The following HECW1 variants were observed in gnomAD, a reference collection of about 807,000 sequenced individuals.
The protein encoded by HECW1 is E3 ubiquitin-protein ligase HECW1.
Under a neutral mutation model 182.3 loss-of-function variants are expected in HECW1, and 61 were observed. That is an observed-to-expected ratio of 0.33 (90% confidence interval 0.27 to 0.41). The LOEUF is 0.41. HECW1 is among the 10% of genes least tolerant of loss of function. The pLI, the probability that HECW1 is intolerant of heterozygous loss-of-function variation, is 1.00. For synonymous variants in HECW1, 859 were observed against 832.6 expected (o/e 1.03, Z -0.55); for missense variants, 1,739 against 2,108.9 (o/e 0.82, Z 3.44).
rs7782895 is a variant in HECW1, at chr7:43,426,239, A to G, written c.802-11764A>G. On this transcript the variant is annotated intron_variant, in intron 8 of 29. Transcript: ENST00000395891. ...TATAGATACACTTTCAAATATTTGCATCCCTTCTAGTACTGAAAACATACA... is the reference window on the plus strand; with the variant it reads ...TATAGATACACTTTCAAATATTTGCGTCCCTTCTAGTACTGAAAACATACA... Among the ~76,000 whole-genome samples the G allele has an allele frequency of 3.9e-3, 595 of 152,338 alleles. 4 individuals carry two copies. The highest frequency in any genetic ancestry group is 0.014 in the African/African-American group (571 of 41,580).
chr7:43,520,722 C>A (rs553431852), intron 24 of HECW1, among the ~76,000 whole-genome samples: 1 of 152,022 alleles, frequency 6.6e-6, no homozygotes, highest in Non-Finnish European at 1.5e-5. Context: ...CTAGAACAGA[C>A]GAAAGTGAAG....
chr7:43,148,603 G>A (rs1788962780), intron 2 of HECW1: 1 of 151,732 alleles, frequency 6.6e-6, no homozygotes, highest in South Asian at 2.1e-4. Flanking sequence ...TTAAATTTGG[G>A]TCTGAGTCCA....
At chr7:43,268,795 A>AACAAAC (rs1456506306) in intron 3 of HECW1, among the ~76,000 whole-genome samples, 1 of 152,086 alleles carries the variant, frequency 6.6e-6, no homozygotes, top group Non-Finnish European at 1.5e-5. Context: ...TTTTTTTAAC[A>AACAAAC]AGATCTTGCT....
chr7:43,176,767 A>C (rs985109591), intron 2 of HECW1, among the ~76,000 whole-genome samples: 3 of 152,230 alleles, frequency 2.0e-5, no homozygotes, highest in African/African-American at 7.2e-5. Flanking sequence ...CTAAGTTTCC[A>C]ACACATTGAC....
rs2152845138 is a variant in HECW1 at position 43,407,730 on chromosome 7, A to T, written c.800A>T (p.Glu267Val). ...ACCGTGAACCCCATCTGGCAGGCCG[A>T]GGTGAGTGCTGTGGGCCCTGAAAAA... ...GNTVNPIWQAEQFSFVSLPTD... is the reference protein window; with the variant it reads ...GNTVNPIWQAVQFSFVSLPTD... Residue 267 changes from glutamate to valine, a missense_variant and splice_region_variant, in exon 8 of 30, where the codon GAG (glutamate) becomes GTG (valine). By Grantham distance (121) the Glu-to-Val change is moderately radical. Coordinates refer to ENST00000395891, the MANE Select transcript of HECW1 (RefSeq NM_015052.5). The T allele has an allele frequency of 6.2e-7, 1 of 1,609,338 alleles. No individual in the cohort carries two copies. The highest frequency in any genetic ancestry group is 2.2e-5 in the East Asian group (1 of 44,744).
At chr7:43,357,487 T>G (rs1422617556) in intron 5 of HECW1, among the ~76,000 whole-genome samples, 1 of 152,184 alleles carries the variant, frequency 6.6e-6, no homozygotes, top group Non-Finnish European at 1.5e-5. Context: ...TTGCATGTTT[T>G]CATTCGTATG....
intron 29 of HECW1, among the ~76,000 whole-genome samples, chr7:43,561,210 C>A (rs538489087): frequency 9.9e-5 from 15 of 152,188 alleles, no homozygotes; most frequent in Admixed American, 8.5e-4. Flanking sequence ...GAACCCCGGG[C>A]GCCAGGACAC....
intron 6 of HECW1, among the ~76,000 whole-genome samples, chr7:43,361,633 A>C (rs1252305690): frequency 6.6e-6 from 1 of 152,060 alleles, no homozygotes; most frequent in Non-Finnish European, 1.5e-5. Flanking sequence ...CCTAAGTTAC[A>C]ATCCAGTTTT....
At chr7:43,497,733 C>T (rs900206972) in intron 19 of HECW1, among the ~76,000 whole-genome samples, 4 of 152,034 alleles carry the variant, frequency 2.6e-5, no homozygotes, top group Non-Finnish European at 5.9e-5. Flanking sequence ...GAGCTGATGA[C>T]AGCTTGAACA....
At chr7:43,174,197 T>C (rs1304658836) in intron 2 of HECW1, among the ~76,000 whole-genome samples, 1 of 152,106 alleles carries the variant, frequency 6.6e-6, no homozygotes, top group Non-Finnish European at 1.5e-5. Context: ...GTCCTAAATA[T>C]CCCTGCTACA....
At chr7:43,401,574 T>TTTTG (rs201315890) in intron 7 of HECW1, among the ~76,000 whole-genome samples, 7 of 144,516 alleles carry the variant, frequency 4.8e-5, no homozygotes, top group East Asian at 4.4e-4. Context: ...AAGGTTTTTT[T>TTTTG]TTTTTTTTTT....
chr7:43,489,910 G>A (rs957240984), intron 17 of HECW1, among the ~76,000 whole-genome samples: 4 of 152,190 alleles, frequency 2.6e-5, no homozygotes, highest in African/African-American at 9.7e-5. Context: ...AGACTTTGTA[G>A]CACTGGTCCT....
At chr7:43,183,269 C>T (rs537423904) in intron 2 of HECW1, among the ~76,000 whole-genome samples, 25 of 152,298 alleles carry the variant, frequency 1.6e-4, no homozygotes, top group Non-Finnish European at 3.2e-4. Flanking sequence ...TCCACTTCTA[C>T]CACAAGTCTC....
intron 8 of HECW1, among the ~76,000 whole-genome samples, chr7:43,418,914 G>A (rs1335471869): frequency 1.3e-5 from 2 of 152,114 alleles, no homozygotes; most frequent in Non-Finnish European, 2.9e-5. Flanking sequence ...GCTCCAGGGG[G>A]TATTGATGTT....
At chr7:43,476,164 G>A (rs2078213235) in intron 16 of HECW1, among the ~76,000 whole-genome samples, 3 of 152,064 alleles carry the variant, frequency 2.0e-5, no homozygotes, top group African/African-American at 7.2e-5. Flanking sequence ...TTTATTTGAT[G>A]GAAGCATTTA....
rs2078995618 is a variant in HECW1, at chr7:43,493,180, G to A, written c.3437G>A (p.Arg1146Lys). The A allele has an allele frequency of 6.2e-7, 1 of 1,607,016 alleles. No individual in the cohort carries two copies. The change falls in exon 19 of 30, where the codon AGG becomes AAG. Residue 1146 changes from arginine (R) to lysine (K), a missense_variant and splice_region_variant. By Grantham distance (26) the Arg-to-Lys change is conservative. This residue lies in a region of HECW1 where 420 missense variants were observed against 595.7 expected (regional missense o/e 0.71). Transcript: ENST00000395891. ...QPSLARNHTL[R>K]EKIHYIRTEG... ...AGCTTAGCAAGAAACCACACACTCAGGTAAGCCTCGCCCCTCACTCCCTGG... is the reference window on the plus strand; with the variant it reads ...AGCTTAGCAAGAAACCACACACTCAAGTAAGCCTCGCCCCTCACTCCCTGG...
chr7:43,208,075 T>A (rs1795652601), intron 2 of HECW1, among the ~76,000 whole-genome samples: 1 of 152,328 alleles, frequency 6.6e-6, no homozygotes, highest in South Asian at 2.1e-4. Flanking sequence ...CCTCTCCCAT[T>A]TTCTTTTTCT....
At chr7:43,269,493 A>G (rs546212027) in intron 3 of HECW1, among the ~76,000 whole-genome samples, 25 of 152,344 alleles carry the variant, frequency 1.6e-4, no homozygotes, top group African/African-American at 6.0e-4. Context: ...TGTCGGAACC[A>G]GAAAGACACA....
In HECW1 at chr7:43,294,586, C is replaced by T. The variant is rs560868142; in HGVS notation, c.28-17177C>T. On this transcript the variant is annotated intron_variant, in intron 3 of 29. Coordinates refer to ENST00000395891, the MANE Select transcript of HECW1 (RefSeq NM_015052.5). ...ATACTTGGCTCCTCGGTCCCCATCCCAGTCCCAGCTTCCAGTTTTGTGGCT... is the reference window on the plus strand; with the variant it reads ...ATACTTGGCTCCTCGGTCCCCATCCTAGTCCCAGCTTCCAGTTTTGTGGCT... 2.0e-5 allele frequency among the ~76,000 whole-genome samples: 3 copies of T among 152,342 alleles called. No individual in the cohort carries two copies. The South Asian group carries it at 6.2e-4, about 32-fold the overall frequency.
Sources: gnomAD v4.1 joint callset for allele counts (sites outside exome capture counted in the v4.1 genomes callset) on GRCh38, gnomAD v4.1.1 for gene constraint, gnomAD v4.1.1 regional missense constraint, MANE v1.5 for transcripts, NCBI Gene and HGNC (gene_info 2026-07-23, HGNC 2026-07-21) for gene names.